EXOSC5: variants seen among roughly 807,000 people sequenced by gnomAD.
The protein encoded by EXOSC5 is exosome component 5.
In EXOSC5, 15 loss-of-function variants were observed where a neutral mutation model predicts 23.7. The ratio of observed to expected loss-of-function variants is 0.63; its 90% confidence interval spans 0.42 to 0.97. EXOSC5 has a LOEUF of 0.97. EXOSC5 is among the 50% of genes least tolerant of loss of function. The pLI, the probability that EXOSC5 is intolerant of heterozygous loss-of-function variation, is 0.00. For missense variants in EXOSC5, 305 were observed against 316.3 expected, an observed-to-expected ratio of 0.96 and a Z score of 0.27; for synonymous variants, 143 against 140.9, an observed-to-expected ratio of 1.02 and a Z score of -0.11.
chr19:41,389,880 G>A lies in EXOSC5; in HGVS notation c.410C>T (p.Ala137Val). Reference sequence around the variant, plus strand: ...ACCTGCATCCACCAATGCCATGCAGGCGGCATTCAGACAACAGGCCAGGAG... The same window carrying A: ...ACCTGCATCCACCAATGCCATGCAGACGGCATTCAGACAACAGGCCAGGAG... ...GSLLACCLNAACMALVDAGVP... is the reference protein window; with the variant it reads ...GSLLACCLNAVCMALVDAGVP... The change falls in exon 4 of 6, where the codon GCC becomes GTC. Residue 137 changes from alanine to valine, a missense_variant. Transcript: ENST00000221233. The A allele has an allele frequency of 6.2e-7, 1 of 1,611,724 alleles. No homozygotes were observed.
Position 41,397,356 on chromosome 19 carries a change from T to C in EXOSC5, c.-28A>G, listed in dbSNP as rs112381655. On this transcript the variant is annotated 5_prime_UTR_variant, in exon 1 of 6. Coordinates refer to ENST00000221233, the MANE Select transcript of EXOSC5 (RefSeq NM_020158.4). ...CGCCGAGCCCACGTGCGGCTGCAGTTGTCACTTCCGCCTGGCAGCGCGCGC... is the reference window on the plus strand; with the variant it reads ...CGCCGAGCCCACGTGCGGCTGCAGTCGTCACTTCCGCCTGGCAGCGCGCGC... 6.3e-7 allele frequency: 1 copy of C among 1,594,634 alleles called. No individual in the cohort carries two copies. The highest frequency in any genetic ancestry group is 8.6e-7 in the Non-Finnish European group (1 of 1,166,672).
chr19:41,387,604 C>T lies in EXOSC5; in HGVS notation c.526-1G>A. ...CAAAGGTCAGGACTGCCCGGGCCTC[C>T]TAGGGACAAGGGGTAGAAGGCGGTG... is the stretch of plus-strand genomic sequence containing the variant. On this transcript the variant is annotated splice_acceptor_variant, in intron 4 of 5. Transcript: ENST00000221233. LOFTEE classifies it high-confidence loss of function. 6.3e-7 allele frequency: 1 copy of T among 1,592,896 alleles called. No homozygotes were observed. The highest frequency in any genetic ancestry group is 8.5e-7 in the Non-Finnish European group (1 of 1,170,974).
rs1010602119 is a variant in EXOSC5, at chr19:41,386,587, G to A, written c.*46C>T. On this transcript the variant is annotated 3_prime_UTR_variant, in exon 6 of 6. Transcript: ENST00000221233. ...GCTGGTTTGCTTCAGGCTGTAGGGGGTGAGTGGGTGGAGGCAATGGGAGCG... is the reference window on the plus strand; with the variant it reads ...GCTGGTTTGCTTCAGGCTGTAGGGGATGAGTGGGTGGAGGCAATGGGAGCG... 6.9e-5 allele frequency: 106 copies of A among 1,537,074 alleles called. No individual in the cohort carries two copies. Among genetic ancestry groups the A allele is most frequent in the Non-Finnish European group, 9.0e-5 (102 of 1,135,444 alleles).
At chr19:41,387,395 CAAG>C (rs2038991969) in intron 5 of EXOSC5, 116 bp downstream of exon 5, 2 of 821,134 alleles carry the variant, frequency 2.4e-6, no homozygotes, top group Non-Finnish European at 3.5e-6. Flanking sequence ...TCCCTTTTTA[CAAG>C]AAGAAATTTA....
In EXOSC5 at chr19:41,393,642, C is replaced by T. The variant is rs528527020; in HGVS notation, c.149-662G>A. ...TGGCGTAATCTCGGCTCACCGCAAC[C>T]TCTGCCTCCCGGGTTCAAGCAGTTC... is the stretch of plus-strand genomic sequence containing the variant. On this transcript the variant is annotated intron_variant, in intron 1 of 5. Coordinates refer to ENST00000221233, the MANE Select transcript of EXOSC5 (RefSeq NM_020158.4). Among the ~76,000 whole-genome samples, 152 of 151,990 alleles carry T rather than the reference C, an allele frequency of 1.0e-3. 2 individuals are homozygous for T. The highest frequency in any genetic ancestry group is 3.5e-3 in the African/African-American group (147 of 41,424).
At chr19:41,393,024 C>T (rs1599941646) in intron 1 of EXOSC5, 44 bp from the exon 2 acceptor site, 2 of 1,577,040 alleles carry the variant, frequency 1.3e-6, no homozygotes, top group Non-Finnish European at 1.7e-6. Context: ...CTTCCCTGCT[C>T]CTGGGGCCCC....
chr19:41,389,945 T>C, intron 3 of EXOSC5, 40 bp from the exon 4 acceptor site: 1 of 1,558,976 alleles, frequency 6.4e-7, no homozygotes, highest in Non-Finnish European at 8.6e-7. Flanking sequence ...TTTTTTTTTT[T>C]TTTGGAGATG....
At chr19:41,392,733 G>C (rs2039032466) in intron 2 of EXOSC5, 134 bp downstream of exon 2, 1 of 647,660 alleles carries the variant, frequency 1.5e-6, no homozygotes. Flanking sequence ...ATTAGAGGCG[G>C]AGAGTTAAAG....
chr19:41,393,005 C>T, intron 1 of EXOSC5, 25 bp from the exon 2 acceptor site: 1 of 1,603,586 alleles, frequency 6.2e-7, no homozygotes, highest in Non-Finnish European at 8.5e-7. Flanking sequence ...GGGAGGGCCT[C>T]ACTCACAGCT....
At chr19:41,389,563 C>T (rs920422616) in intron 4 of EXOSC5, among the ~76,000 whole-genome samples, 5 of 152,246 alleles carry the variant, frequency 3.3e-5, no homozygotes, top group African/African-American at 4.8e-5. Flanking sequence ...CCGCTCCCGG[C>T]CCCACATTTC....
rs111391582 is a variant in EXOSC5 at position 41,387,510 on chromosome 19, G to A, written c.615+4C>T. 64 of 1,591,498 alleles carry A rather than the reference G, an allele frequency of 4.0e-5. No individual in the cohort carries two copies. Among genetic ancestry groups the A allele is most frequent in the Non-Finnish European group, 5.1e-5 (60 of 1,169,916 alleles). ...GGCTTTTCCCCTCATCCCCATGCTG[G>A]TACCTCAGTGTCTGAGTAGAGCCCC... On this transcript the variant is annotated splice_donor_region_variant and intron_variant, in intron 5 of 5. Transcript: ENST00000221233.
chr19:41,395,544 G>A (rs1005322729), intron 1 of EXOSC5, among the ~76,000 whole-genome samples: 8 of 152,074 alleles, frequency 5.3e-5, no homozygotes, highest in African/African-American at 9.7e-5. Context: ...GCTCAACATC[G>A]TCACCACTGA....
At chr19:41,388,882 G>C (rs2039003013) in intron 4 of EXOSC5, among the ~76,000 whole-genome samples, 1 of 152,248 alleles carries the variant, frequency 6.6e-6, no homozygotes, top group East Asian at 1.9e-4. Context: ...GAATGAAGCT[G>C]ATGTGCAGAG....
At chr19:41,394,578 C>T (rs1229721667) in intron 1 of EXOSC5, among the ~76,000 whole-genome samples, 1 of 151,778 alleles carries the variant, frequency 6.6e-6, no homozygotes, top group Non-Finnish European at 1.5e-5. Flanking sequence ...AGTGCAGTGG[C>T]GCAATCTCAG....
chr19:41,389,015 A>G (rs953580512), intron 4 of EXOSC5, among the ~76,000 whole-genome samples: 1 of 152,140 alleles, frequency 6.6e-6, no homozygotes, highest in Non-Finnish European at 1.5e-5. Context: ...GTGCGATCTC[A>G]GCTCACTGTA....
intron 3 of EXOSC5, 44 bp downstream of exon 3, chr19:41,391,796 CA>C (rs756710218): frequency 6.8e-7 from 1 of 1,472,450 alleles, no homozygotes; most frequent in Non-Finnish European, 9.0e-7. Flanking sequence ...AGGAGGGAAG[CA>C]ATCAGGAGAC....
chr19:41,397,061 A>G (rs1169864002), intron 1 of EXOSC5, 120 bp downstream of exon 1: 2 of 1,186,692 alleles, frequency 1.7e-6, no homozygotes, highest in Non-Finnish European at 2.4e-6. Context: ...CAATCGGACA[A>G]GAAATCATGC....
Position 41,392,875 on chromosome 19 carries a change from C to T in EXOSC5, c.254G>A (p.Gly85Glu). ...CAGCAGGGCCCAATTACCAGGCAGC[C>T]CAATCTTCGGCCTCAGGATCACTTC... ...TLEVILRPKI[G>E]LPGVAEKSRE... The change falls in exon 2 of 6, where the codon GGG becomes GAG. Residue 85 changes from glycine (G) to glutamate (E), a missense_variant. Coordinates refer to ENST00000221233, the MANE Select transcript of EXOSC5 (RefSeq NM_020158.4). The T allele has an allele frequency of 6.2e-7, 1 of 1,613,884 alleles. No individual in the cohort carries two copies. The highest frequency in any genetic ancestry group is 8.5e-7 in the Non-Finnish European group (1 of 1,179,974).
chr19:41,392,790 G>A (rs1350469469), intron 2 of EXOSC5, 77 bp downstream of exon 2: 15 of 1,332,624 alleles, frequency 1.1e-5, no homozygotes, highest in Non-Finnish European at 1.5e-5. Context: ...GAGACTCGGG[G>A]CAGCTGGTAG....
Sources: allele counts gnomAD v4.1 joint callset (sites outside exome capture counted in the v4.1 genomes callset), GRCh38; gene constraint gnomAD v4.1.1; transcripts MANE v1.5; gene names NCBI Gene and HGNC (gene_info 2026-07-23, HGNC 2026-07-21).